The following FAM83F variants were observed in gnomAD, a reference collection of about 807,000 sequenced individuals.
The protein encoded by FAM83F is scaffolding CK1 anchoring protein F, also known as protein FAM83F.
A neutral mutation model predicts 42.9 loss-of-function variants in FAM83F; 45 were observed. The ratio of observed to expected loss-of-function variants is 1.05; its 90% CI spans 0.83 to 1.35. The LOEUF (loss-of-function observed/expected upper bound fraction) is 1.35, where lower values mean the gene tolerates loss of function less well. Among genes scored for constraint, FAM83F ranks in the 40% most tolerant of loss-of-function variants. The probability of loss-of-function intolerance (pLI) is 0.00; values close to 1 mark genes in which losing one functional copy is unlikely to be tolerated. For missense variants in FAM83F, 617 were observed against 695.9 expected, an observed-to-expected ratio of 0.89 and a Z score of 1.28; for synonymous variants, 306 against 298.3, an observed-to-expected ratio of 1.03 and a Z score of -0.27.
rs564465402 is a variant in FAM83F, at chr22:40,020,111, G to A, written c.779+103G>A. The stretch of plus-strand genomic sequence containing the variant: ...CCTCCGTCATCATGAGTGTGTAACA[G>A]GGATCATCTGACGCAATAGCAAAGG... On this transcript the variant is annotated intron_variant, in intron 3 of 4. Transcript: ENST00000333407. 580 of 1,463,334 alleles carry A rather than the reference G, an allele frequency of 4.0e-4. 2 individuals are homozygous for A. Among genetic ancestry groups the A allele is most frequent in the Non-Finnish European group, 3.5e-5 (38 of 1,099,880 alleles). 90.6% of individuals were successfully genotyped at this position (1,463,334 alleles called of 1,614,324 possible). A position where few individuals can be genotyped will look rare whatever the true frequency, so the allele number is the denominator to read the frequency against.
At chr22:40,028,630 G>T (rs1012510178) in intron 4 of FAM83F, among the ~76,000 whole-genome samples, 3 of 152,192 alleles carry the variant, frequency 2.0e-5, no homozygotes, top group Non-Finnish European at 4.4e-5. Flanking sequence ...CAAAGGAACC[G>T]CAGGCCTCAT....
rs1309419991 is a variant in FAM83F at position 39,995,536 on chromosome 22, G to T, written c.489+5G>T. On this transcript the variant is annotated splice_donor_5th_base_variant and intron_variant, in intron 1 of 4. Transcript: ENST00000333407. The surrounding 1 kb of genome is among the most constrained non-coding windows in gnomAD (Gnocchi z 4.6). ...ATGATCCAACAGGCCCAGAAGGTAGGCCCCCGCCTTCGCCCCCACACCGCT... is the reference window on the plus strand; with the variant it reads ...ATGATCCAACAGGCCCAGAAGGTAGTCCCCCGCCTTCGCCCCCACACCGCT... 2.6e-6 allele frequency: 4 copies of T among 1,550,856 alleles called. No individual in the cohort carries two copies. In the East Asian group the frequency reaches 9.6e-5, roughly 37 times the overall value.
At chr22:40,010,458 A>G (rs55916464) in intron 1 of FAM83F, among the ~76,000 whole-genome samples, 2,223 of 152,104 alleles carry the variant, frequency 0.015, 20 homozygotes, top group Non-Finnish European at 0.017. Context: ...TCTACTTCAG[A>G]TATTTCATTG....
Position 40,023,708 on chromosome 22 carries a change from C to T in FAM83F, c.1453+1745C>T, listed in dbSNP as rs1310451134. On this transcript the variant is annotated intron_variant, in intron 4 of 4. Transcript: ENST00000333407. The surrounding 1 kb of genome is among the most constrained non-coding windows in gnomAD (Gnocchi z 4.1). ...CTCTCTGGTGTCTGCACATGGTGCC[C>T]AGGAGCCAGCCTTGCAGACACAGAC... is the stretch of plus-strand genomic sequence containing the variant. Among the ~76,000 whole-genome samples the T allele has an allele frequency of 6.6e-6, 1 of 152,200 alleles. No individual in the cohort carries two copies. The highest frequency in any genetic ancestry group is 2.4e-5 in the African/African-American group (1 of 41,446).
intron 1 of FAM83F, among the ~76,000 whole-genome samples, chr22:40,003,545 C>A (rs889492849): frequency 1.5e-5 from 2 of 135,438 alleles, no homozygotes; most frequent in Non-Finnish European, 3.3e-5. Context: ...GCCCCCTGCT[C>A]AGGGGGGGTG....
At chr22:40,003,574 G>C (rs1601762531) in intron 1 of FAM83F, among the ~76,000 whole-genome samples, 1 of 152,098 alleles carries the variant, frequency 6.6e-6, no homozygotes, top group East Asian at 1.9e-4. Flanking sequence ...CACCCCCAAG[G>C]CTGAGTCATT....
At chr22:40,004,990 G>A (rs1487019961) in intron 1 of FAM83F, among the ~76,000 whole-genome samples, 1 of 152,208 alleles carries the variant, frequency 6.6e-6, no homozygotes, top group Non-Finnish European at 1.5e-5. Flanking sequence ...CCCAGGACAC[G>A]TGGACTCACA....
chr22:40,021,281 C>T lies in FAM83F; in HGVS notation c.780-9C>T, dbSNP rs765988859. On this transcript the variant is annotated splice_polypyrimidine_tract_variant and intron_variant, in intron 3 of 4. Coordinates refer to ENST00000333407, the MANE Select transcript of FAM83F (RefSeq NM_138435.4). The surrounding 1 kb of genome is among the most constrained non-coding windows in gnomAD (Gnocchi z 8.7). ...CATGTGTCTTGCTTTTCTGTCCCCA[C>T]GTTCCCAGGTTCACCTGGAGTTCCT... 10 of 1,529,000 alleles carry T rather than the reference C, an allele frequency of 6.5e-6. No homozygotes were observed. The East Asian group carries it at 1.1e-4, about 17-fold the overall frequency. 94.7% of individuals were successfully genotyped at this position (1,529,000 alleles called of 1,614,324 possible). A position where few individuals can be genotyped will look rare whatever the true frequency, so the allele number is the denominator to read the frequency against.
chr22:40,005,610 C>T (rs904413805), intron 1 of FAM83F, among the ~76,000 whole-genome samples: 1 of 152,248 alleles, frequency 6.6e-6, no homozygotes, highest in South Asian at 2.1e-4. Context: ...TTTGTACATA[C>T]ACCCTCCTTC....
chr22:40,019,788 A>C (rs1209410044), intron 2 of FAM83F, 99 bp from the exon 3 acceptor site: 1 of 1,457,566 alleles, frequency 6.9e-7, no homozygotes, highest in African/African-American at 1.4e-5. Flanking sequence ...GCCTGCAGGC[A>C]GGGTCCATAC....
Position 40,032,133 on chromosome 22 carries a change from G to T in FAM83F, c.*2568G>T, listed in dbSNP as rs967519863. 1.4e-4 allele frequency: 21 copies of T among 152,420 alleles called. No homozygotes were observed. Among genetic ancestry groups the T allele is most frequent in the African/African-American group, 5.1e-4 (21 of 41,452 alleles). 9.4% of individuals were successfully genotyped at this position (152,420 alleles called of 1,614,324 possible). A position where few individuals can be genotyped will look rare whatever the true frequency, so the allele number is the denominator to read the frequency against. ...GCTCTAGGAGGAACAGGATAAGGCA[G>T]CACTCTCGGGGCTGGGGTCTGGCTT... On this transcript the variant is annotated 3_prime_UTR_variant, in exon 5 of 5. Coordinates refer to ENST00000333407, the MANE Select transcript of FAM83F (RefSeq NM_138435.4).
chr22:40,005,033 C>T lies in FAM83F; in HGVS notation c.489+9502C>T, dbSNP rs960419977. ...CATCACTTGAATGCCCTCCTGATCA[C>T]TTTCAATCATATCCCTCCCTGCACT... is the stretch of plus-strand genomic sequence containing the variant. On this transcript the variant is annotated intron_variant, in intron 1 of 4. Transcript: ENST00000333407. Among the ~76,000 whole-genome samples, 15 of 152,352 alleles carry T rather than the reference C, an allele frequency of 9.8e-5. 1 individual carries two copies. The highest frequency in any genetic ancestry group is 7.8e-4 in the Admixed American group (12 of 15,304).
intron 4 of FAM83F, among the ~76,000 whole-genome samples, chr22:40,024,221 C>T (rs2067537922): frequency 6.6e-6 from 1 of 152,146 alleles, no homozygotes; most frequent in African/African-American, 2.4e-5. Flanking sequence ...GGCTGGTCTC[C>T]TGGCCTCAAG....
intron 1 of FAM83F, among the ~76,000 whole-genome samples, chr22:40,013,877 C>A (rs1231516869): frequency 6.6e-6 from 1 of 151,988 alleles, no homozygotes; most frequent in African/African-American, 2.4e-5. Flanking sequence ...TAGGTTTTAA[C>A]TGTGAATGGA....
chr22:40,007,760 T>C (rs2067444065), intron 1 of FAM83F, among the ~76,000 whole-genome samples: 1 of 151,900 alleles, frequency 6.6e-6, no homozygotes, highest in African/African-American at 2.4e-5. Flanking sequence ...GGTATGTACA[T>C]GGGGAACTTA....
chr22:40,010,328 C>T (rs1428822050), intron 1 of FAM83F, among the ~76,000 whole-genome samples: 1 of 152,166 alleles, frequency 6.6e-6, no homozygotes, highest in Non-Finnish European at 1.5e-5. Context: ...GAGCTGGTTC[C>T]CCTGGGCCTG....
chr22:40,003,752 G>C (rs1050674487), intron 1 of FAM83F, among the ~76,000 whole-genome samples: 1 of 152,056 alleles, frequency 6.6e-6, no homozygotes, highest in African/African-American at 2.4e-5. Context: ...AGAGCCTATG[G>C]CTTTTCTAAT....
chr22:40,015,674 GCCAAA>G (rs1433604262), intron 1 of FAM83F, among the ~76,000 whole-genome samples: 9 of 152,186 alleles, frequency 5.9e-5, no homozygotes, highest in Non-Finnish European at 8.8e-5. Flanking sequence ...TTCTCTGGGT[GCCAAA>G]GGCTTCCCGT....
intron 1 of FAM83F, among the ~76,000 whole-genome samples, chr22:40,011,542 A>G (rs1355765894): frequency 2.6e-5 from 4 of 152,194 alleles, no homozygotes; most frequent in South Asian, 2.1e-4. Flanking sequence ...GAACACTCCA[A>G]GGTGTCCAGC....
Sources: allele counts gnomAD v4.1 joint callset (sites outside exome capture counted in the v4.1 genomes callset), GRCh38; gene constraint gnomAD v4.1.1; non-coding constraint Gnocchi (gnomAD v3.1); transcripts MANE v1.5; gene names NCBI Gene and HGNC (gene_info 2026-07-23, HGNC 2026-07-21).